Variants in ANLN observed in about 807,000 individuals in gnomAD.
ANLN encodes the protein anillin.
A neutral mutation model predicts 135.1 loss-of-function variants in ANLN; 59 were observed. That is an observed-to-expected ratio of 0.44 (90% CI 0.35 to 0.54). The LOEUF (loss-of-function observed/expected upper bound fraction) is 0.54. Among genes scored for constraint, ANLN ranks in the 20% least tolerant of loss-of-function variants. The pLI is 0.00. For synonymous variants in ANLN, 406 were observed against 456.4 expected (o/e 0.89, Z 1.41); for missense variants, 1,182 against 1,340.0 (o/e 0.88, Z 1.84).
intron 20 of ANLN, among the ~76,000 whole-genome samples, chr7:36,438,793 C>T (rs765260365): frequency 1.3e-5 from 2 of 152,224 alleles, no homozygotes; most frequent in South Asian, 4.1e-4. Context: ...CTTGCAATTA[C>T]ATATGAATTC....
Position 36,419,394 on chromosome 7 carries a change from G to A in ANLN, c.1784G>A (p.Ser595Asn). 2 of 1,614,136 alleles carry A rather than the reference G, an allele frequency of 1.2e-6. No individual in the cohort carries two copies. Among genetic ancestry groups the A allele is most frequent in the Middle Eastern group, 1.6e-4 (1 of 6,062 alleles). ...ATGGATCAAGCATTAGCAGAAAGCAGCGAAGAACAGGAAGATGCACTGAAT... is the reference window on the plus strand; with the variant it reads ...ATGGATCAAGCATTAGCAGAAAGCAACGAAGAACAGGAAGATGCACTGAAT... ...EEMDQALAES[S>N]EEQEDALNIS... Residue 595 changes from serine to asparagine, a missense_variant, in exon 10 of 24, where the codon AGC becomes AAC. Around this residue, in one of 3 missense-constraint regions of ANLN, gnomAD observed 1,022 missense variants for 1,134.0 expected, o/e 0.90. Coordinates refer to ENST00000265748, the MANE Select transcript of ANLN (RefSeq NM_018685.5).
chr7:36,416,272 G>A (rs1256493952), intron 8 of ANLN, among the ~76,000 whole-genome samples: 1 of 152,124 alleles, frequency 6.6e-6, no homozygotes, highest in Non-Finnish European at 1.5e-5. Context: ...GCTTGCCTTG[G>A]CCTCCCAAAG....
At chr7:36,417,688 T>A (rs909390065) in intron 9 of ANLN, among the ~76,000 whole-genome samples, 3 of 146,722 alleles carry the variant, frequency 2.0e-5, no homozygotes, top group African/African-American at 7.6e-5. Flanking sequence ...TTTTTTTTTT[T>A]TTTTTTTTTG....
At chr7:36,423,763 T>A (rs768412624) in intron 14 of ANLN, 54 bp from the exon 15 acceptor site, 220 of 1,508,884 alleles carry the variant, frequency 1.5e-4, no homozygotes, top group Middle Eastern at 2.1e-4. Flanking sequence ...GAATGCTGAT[T>A]AGCTAAATCT....
intron 3 of ANLN, chr7:36,403,393 T>C (rs1251449482): frequency 6.6e-6 from 1 of 152,182 alleles, no homozygotes; most frequent in Non-Finnish European, 1.5e-5. Context: ...TGGAGGTATT[T>C]GGTAGTTGCA....
At chr7:36,450,511 A>C (rs1338077691) in intron 23 of ANLN, among the ~76,000 whole-genome samples, 1 of 152,170 alleles carries the variant, frequency 6.6e-6, no homozygotes, top group Non-Finnish European at 1.5e-5. Flanking sequence ...GACTAGCTTT[A>C]TGAGTTTCTA....
intron 21 of ANLN, 99 bp downstream of exon 21, chr7:36,439,389 G>A: frequency 1.4e-6 from 1 of 716,008 alleles, no homozygotes; most frequent in Middle Eastern, 2.6e-4. Context: ...TAAGTAATAA[G>A]TTGGTTCAGT....
At position 36,449,652 on chromosome 7, in the gene ANLN, T is replaced by C. The variant is rs774242336; in HGVS notation, c.3079-13T>C. On this transcript the variant is annotated splice_polypyrimidine_tract_variant and intron_variant, in intron 22 of 23. Coordinates refer to ENST00000265748, the MANE Select transcript of ANLN (RefSeq NM_018685.5). The stretch of plus-strand genomic sequence containing the variant: ...CTTATTTTCTACTAATTTCTCTTAA[T>C]TTGTTTTTAAAGAATCCCATAGGAA... 2 of 1,598,396 alleles carry C rather than the reference T, an allele frequency of 1.3e-6. No individual in the cohort carries two copies. Among genetic ancestry groups the C allele is most frequent in the African/African-American group, 2.7e-5 (2 of 74,180 alleles).
At chr7:36,428,303 T>A in intron 20 of ANLN, 1 of 1,273,764 alleles carries the variant, frequency 7.9e-7, no homozygotes, top group Non-Finnish European at 1.0e-6. Flanking sequence ...TTTGTCTGTT[T>A]TAGATAAATT....
At chr7:36,396,886 A>G (rs1166713816) in intron 2 of ANLN, among the ~76,000 whole-genome samples, 2 of 152,064 alleles carry the variant, frequency 1.3e-5, no homozygotes, top group Non-Finnish European at 2.9e-5. Flanking sequence ...CCAACTCTCT[A>G]AAGTTTAGGT....
intron 1 of ANLN, among the ~76,000 whole-genome samples, chr7:36,393,137 C>T (rs780365126): frequency 7.9e-5 from 12 of 151,980 alleles, no homozygotes; most frequent in Middle Eastern, 3.4e-3. Context: ...GATTCACCTG[C>T]CTCAGCCTCC....
intron 22 of ANLN, among the ~76,000 whole-genome samples, chr7:36,447,517 C>T (rs1344336183): frequency 1.3e-5 from 2 of 151,482 alleles, no homozygotes; most frequent in East Asian, 2.0e-4. Flanking sequence ...CACCGCCTCC[C>T]GGGTTCACGC....
At chr7:36,398,936 T>C (rs1786818640) in intron 2 of ANLN, 143 bp from the exon 3 acceptor site, 5 of 644,936 alleles carry the variant, frequency 7.8e-6, no homozygotes, top group Non-Finnish European at 1.3e-5. Context: ...AGAATGGGGT[T>C]TTACATACTT....
In ANLN at chr7:36,449,705, G is replaced by A. The variant is rs151288243; in HGVS notation, c.3119G>A (p.Arg1040His). 55 of 1,613,548 alleles carry A rather than the reference G, an allele frequency of 3.4e-5. 1 individual carries two copies. The highest frequency in any genetic ancestry group is 2.3e-4 in the African/African-American group (17 of 74,968). Residue 1040 changes from arginine (R) to histidine (H), a missense_variant, in exon 23 of 24, where the codon CGT becomes CAT. Arg to His is a conservative substitution (Grantham distance 29, BLOSUM62 0). Around this residue, in one of 3 missense-constraint regions of ANLN, gnomAD observed 82 missense variants for 133.3 expected, o/e 0.62. Transcript: ENST00000265748. Reference sequence around the variant, plus strand: ...ATAAATCTGGCTAATTGTACCAGTCGTCAGATAGAACCAGCCAACAGAGAA... The same window carrying A: ...ATAAATCTGGCTAATTGTACCAGTCATCAGATAGAACCAGCCAACAGAGAA... Reference protein sequence around the residue: ...GRINLANCTSRQIEPANREFC... With the variant: ...GRINLANCTSHQIEPANREFC...
At chr7:36,442,727 G>A (rs1050835789) in intron 21 of ANLN, among the ~76,000 whole-genome samples, 1 of 151,972 alleles carries the variant, frequency 6.6e-6, no homozygotes, top group Non-Finnish European at 1.5e-5. Flanking sequence ...CATCTCCCGG[G>A]TTCACGCCAT....
intron 22 of ANLN, 48 bp downstream of exon 22, chr7:36,443,910 G>C (rs745891075): frequency 1.3e-5 from 17 of 1,325,636 alleles, no homozygotes; most frequent in Non-Finnish European, 1.7e-5. Context: ...ATTGACTTTC[G>C]TGTAGTGTTC....
intron 20 of ANLN, among the ~76,000 whole-genome samples, chr7:36,431,113 A>T (rs981149432): frequency 6.6e-6 from 1 of 152,152 alleles, no homozygotes; most frequent in Non-Finnish European, 1.5e-5. Flanking sequence ...TAAACAATGG[A>T]ATTCTGTTAA....
chr7:36,448,750 C>G (rs966160279), intron 22 of ANLN, among the ~76,000 whole-genome samples: 1 of 152,142 alleles, frequency 6.6e-6, no homozygotes, highest in Non-Finnish European at 1.5e-5. Flanking sequence ...CTATTACTGT[C>G]ATTGAATTTG....
At chr7:36,435,392 G>A (rs959769629) in intron 20 of ANLN, among the ~76,000 whole-genome samples, 8 of 151,246 alleles carry the variant, frequency 5.3e-5, no homozygotes, top group African/African-American at 1.7e-4. Flanking sequence ...TGGTGGGGGG[G>A]GGGTCTCAGT....
Sources: allele counts gnomAD v4.1 joint callset (sites outside exome capture counted in the v4.1 genomes callset), GRCh38; gene constraint gnomAD v4.1.1; regional missense constraint gnomAD v4.1.1; transcripts MANE v1.5; gene names NCBI Gene and HGNC (gene_info 2026-07-23, HGNC 2026-07-21).